RAD51B: variants seen among roughly 807,000 people sequenced by gnomAD.
RAD51B encodes DNA repair protein RAD51 homolog 2.
In RAD51B, 38 loss-of-function variants were observed where a neutral mutation model predicts 42.2. The observed-to-expected ratio is 0.90, with a 90% CI of 0.70 to 1.18. The LOEUF (loss-of-function observed/expected upper bound fraction) is 1.18, where lower values mean the gene tolerates loss of function less well. Ranked by LOEUF, RAD51B falls within the 50% of genes most tolerant of loss-of-function variation. RAD51B has a pLI of 0.00. For missense variants in RAD51B, 373 were observed against 400.7 expected (o/e 0.93, Z 0.59); for synonymous variants, 154 against 145.2 (o/e 1.06, Z -0.43).
At chr14:68,482,176 G>GGTGTGTGTGTGT (rs66768673), downstream of RAD51B, among the ~76,000 whole-genome samples, 20,683 of 149,798 alleles carry the variant, frequency 0.14, 1,866 homozygotes, top group East Asian at 0.47. Context: ...ATATTTTAGG[G>GGTGTGTGTGTGT]GTGTGTGTGT....
intron 10 of RAD51B, among the ~76,000 whole-genome samples, chr14:68,635,667 A>G (rs1181689757): frequency 6.6e-6 from 1 of 152,150 alleles, no homozygotes; most frequent in East Asian, 1.9e-4. Flanking sequence ...ACTTCTTTGT[A>G]CTTAGTCTTC....
At position 68,680,537 on chromosome 14, in the gene RAD51B, T is replaced by C. The variant is rs536979729; in HGVS notation, c.*11+29681T>C. Among the ~76,000 whole-genome samples, 36 of 152,346 alleles carry C rather than the reference T, an allele frequency of 2.4e-4. 1 individual carries two copies. In the South Asian group the frequency reaches 7.0e-3, roughly 30 times the overall value. On this transcript the variant is annotated intron_variant, in intron 11 of 11. Transcript: ENST00000488612. Reference sequence around the variant, plus strand: ...CCAGCTTGCAAAATTCCTGAAAATTTACCAATCAGCTTTCACAAGCCAATG... The same window carrying C: ...CCAGCTTGCAAAATTCCTGAAAATTCACCAATCAGCTTTCACAAGCCAATG...
At chr14:68,294,027 A>G (rs2081566499) in intron 8 of RAD51B, among the ~76,000 whole-genome samples, 1 of 152,236 alleles carries the variant, frequency 6.6e-6, no homozygotes, top group South Asian at 2.1e-4. Context: ...ACACATACAC[A>G]CATATACACA....
At chr14:68,534,754 C>G (rs137886616) in intron 10 of RAD51B, among the ~76,000 whole-genome samples, 4 of 152,066 alleles carry the variant, frequency 2.6e-5, no homozygotes, top group East Asian at 3.8e-4. Context: ...TCCCACCCCC[C>G]CTAGATTGTA....
At chr14:68,005,409 G>A (rs986288643) in intron 7 of RAD51B, among the ~76,000 whole-genome samples, 11 of 152,128 alleles carry the variant, frequency 7.2e-5, no homozygotes, top group African/African-American at 2.4e-4. Flanking sequence ...TGTAAATAGG[G>A]CTGCTATGGA....
intron 7 of RAD51B, among the ~76,000 whole-genome samples, chr14:68,203,646 G>A (rs560006819): frequency 6.6e-6 from 1 of 152,288 alleles, no homozygotes; most frequent in South Asian, 2.1e-4. Flanking sequence ...AGCTTTGACA[G>A]TCTGAGATGG....
chr14:68,262,488 G>A (rs1360684809), intron 7 of RAD51B, among the ~76,000 whole-genome samples: 2 of 152,090 alleles, frequency 1.3e-5, no homozygotes, highest in African/African-American at 4.8e-5. Context: ...ACATCCCCAT[G>A]CCCCACTTAA....
chr14:68,494,001 C>T (rs999561508), intron 10 of RAD51B, among the ~76,000 whole-genome samples: 35 of 152,264 alleles, frequency 2.3e-4, no homozygotes, highest in African/African-American at 7.7e-4. Flanking sequence ...TCTGGCTGGA[C>T]GCAGTGGCTC....
At chr14:67,866,040 C>A (rs1448458883) in intron 5 of RAD51B, among the ~76,000 whole-genome samples, 1 of 152,148 alleles carries the variant, frequency 6.6e-6, no homozygotes, top group South Asian at 2.1e-4. Context: ...CAATTTACAA[C>A]CTAGCTAGAG....
chr14:68,388,685 A>C (rs1364670407), intron 8 of RAD51B, among the ~76,000 whole-genome samples: 1 of 152,172 alleles, frequency 6.6e-6, no homozygotes, highest in Non-Finnish European at 1.5e-5. Flanking sequence ...GTCTTACATC[A>C]GGCGGTGAGG....
chr14:68,540,166 CTTTTTTTTTTT>C (rs11321834), intron 10 of RAD51B: 37 of 587,358 alleles, frequency 6.3e-5, no homozygotes, highest in Middle Eastern at 7.5e-4. Context: ...TACCCTGCTC[CTTTTTTTTTTT>C]TTTTTTTTTT....
At chr14:68,102,067 C>T (rs1389207248) in intron 7 of RAD51B, among the ~76,000 whole-genome samples, 4 of 152,304 alleles carry the variant, frequency 2.6e-5, no homozygotes, top group East Asian at 3.9e-4. Flanking sequence ...TGAAATGTAC[C>T]TTGGCCCCTT....
intron 7 of RAD51B, among the ~76,000 whole-genome samples, chr14:68,005,421 A>G (rs1187801981): frequency 2.0e-5 from 3 of 152,080 alleles, no homozygotes; most frequent in Non-Finnish European, 2.9e-5. Flanking sequence ...TGCTATGGAC[A>G]TTTTGGTGGA....
chr14:68,386,589 G>T (rs1252591353), intron 8 of RAD51B, among the ~76,000 whole-genome samples: 2 of 152,138 alleles, frequency 1.3e-5, no homozygotes, highest in Non-Finnish European at 2.9e-5. Flanking sequence ...TTTGTTCTCT[G>T]GTTCTTTCTG....
chr14:68,133,933 A>T (rs961407717), intron 7 of RAD51B, among the ~76,000 whole-genome samples: 7 of 152,220 alleles, frequency 4.6e-5, no homozygotes, highest in African/African-American at 1.7e-4. Flanking sequence ...GCTCAAGTAC[A>T]GTATCAAAAC....
intron 7 of RAD51B, among the ~76,000 whole-genome samples, chr14:68,084,478 T>C (rs2076956161): frequency 6.6e-6 from 1 of 152,180 alleles, no homozygotes; most frequent in African/African-American, 2.4e-5. Flanking sequence ...CAGCACTCCC[T>C]TGGGGGACAA....
At chr14:68,338,866 C>T in intron 8 of RAD51B, 1 of 625,692 alleles carries the variant, frequency 1.6e-6, no homozygotes, top group South Asian at 1.4e-5. Flanking sequence ...GTCCTGATAG[C>T]TTCCACCAGC....
At chr14:68,154,122 A>C (rs971424777) in intron 7 of RAD51B, among the ~76,000 whole-genome samples, 2 of 152,124 alleles carry the variant, frequency 1.3e-5, no homozygotes, top group African/African-American at 4.8e-5. Context: ...CTTGTTTTGC[A>C]TGCCTGGTTA....
intron 9 of RAD51B, among the ~76,000 whole-genome samples, chr14:68,451,667 C>T (rs541689280): frequency 6.6e-6 from 1 of 152,258 alleles, no homozygotes; most frequent in East Asian, 1.9e-4. Context: ...AAGAATGCTG[C>T]GGTAACAGAG....
Sources: gnomAD v4.1 joint callset for allele counts (sites outside exome capture counted in the v4.1 genomes callset) on GRCh38, gnomAD v4.1.1 for gene constraint, MANE v1.5 for transcripts, NCBI Gene and HGNC (gene_info 2026-07-23, HGNC 2026-07-21) for gene names.